The following NEXMIF variants were observed in gnomAD, a reference collection of about 807,000 sequenced individuals.
NEXMIF encodes neurite extension and migration factor.
NEXMIF carries 8 observed loss-of-function variants against 62.1 expected under a neutral mutation model. The ratio of observed to expected loss-of-function variants is 0.13; its 90% CI spans 0.08 to 0.23. The LOEUF (loss-of-function observed/expected upper bound fraction) is 0.23. NEXMIF is among the 10% of genes least tolerant of loss of function. The pLI is 1.00. For missense variants in NEXMIF, 976 were observed against 1,113.3 expected (o/e 0.88, Z 1.75); for synonymous variants, 404 against 416.6 (o/e 0.97, Z 0.37).
chrX:74,757,822 T>C (rs183047580), intron 1 of NEXMIF, among the ~76,000 whole-genome samples: 47 of 110,971 alleles, frequency 4.2e-4, no homozygotes, highest in African/African-American at 1.3e-3. Context: ...CTCTGAGCGG[T>C]GGGGGTTAGG....
In NEXMIF at chrX:74,796,162, T is replaced by TATATATATTATATATATACATATATAA. The variant is rs1491430745; in HGVS notation, c.-47-50466_-47-50465insTTATATATGTATATATATAATATATAT. 2.2e-3 allele frequency among the ~76,000 whole-genome samples: 88 copies of TATATATATTATATATATACATATATAA among 40,200 alleles called. 1 individual carries two copies. Among genetic ancestry groups the TATATATATTATATATATACATATATAA allele is most frequent in the African/African-American group, 5.8e-3 (82 of 14,111 alleles). The allele number at this position is 40,200 out of a possible 115,157, so 34.9% of individuals were successfully genotyped here. The stretch of plus-strand genomic sequence containing the variant: ...TATATATTATATATATACATATATA[T>TATATATATTATATATATACATATATAA]TATATATATTATATATATACATATA... On this transcript the variant is annotated intron_variant, in intron 1 of 3. Transcript: ENST00000055682.
intron 1 of NEXMIF, among the ~76,000 whole-genome samples, chrX:74,853,125 C>A (rs1036842631): frequency 9.1e-6 from 1 of 110,194 alleles, no homozygotes; most frequent in Non-Finnish European, 1.9e-5. Flanking sequence ...TGGACACACA[C>A]AAGGAGTGGA....
chrX:74,875,720 T>A (rs1217853224), intron 1 of NEXMIF, among the ~76,000 whole-genome samples: 1 of 112,113 alleles, frequency 8.9e-6, no homozygotes, highest in African/African-American at 3.2e-5. Flanking sequence ...GGTTTAGTCT[T>A]GGGAGAGTGT....
chrX:74,901,093 A>C (rs1216336411), intron 1 of NEXMIF, among the ~76,000 whole-genome samples: 4 of 111,969 alleles, frequency 3.6e-5, no homozygotes, highest in Non-Finnish European at 5.6e-5. Context: ...TGATGGTTGC[A>C]TAACAGTGTG....
At chrX:74,803,567 CA>C (rs1368813566) in intron 1 of NEXMIF, among the ~76,000 whole-genome samples, 1 of 104,511 alleles carries the variant, frequency 9.6e-6, no homozygotes, top group Non-Finnish European at 2.0e-5. Context: ...GACTCTGTCT[CA>C]AAAAAATAAA....
intron 1 of NEXMIF, among the ~76,000 whole-genome samples, chrX:74,785,211 T>C (rs997953555): frequency 1.5e-4 from 17 of 111,462 alleles, no homozygotes; most frequent in Non-Finnish European, 1.1e-4. Context: ...GGGGATAGTA[T>C]TGGGGGCCAC....
chrX:74,873,377 A>T (rs1354784295), intron 1 of NEXMIF, among the ~76,000 whole-genome samples: 1 of 111,920 alleles, frequency 8.9e-6, no homozygotes, highest in African/African-American at 3.2e-5. Context: ...CATTTTCTTA[A>T]TCCAGTCTAT....
At chrX:74,830,389 A>G (rs148037800) in intron 1 of NEXMIF, among the ~76,000 whole-genome samples, 8 of 111,098 alleles carry the variant, frequency 7.2e-5, no homozygotes, top group Non-Finnish European at 1.3e-4. Context: ...TGGGTTCTCT[A>G]TTCTGTTCCA....
chrX:74,837,168 G>A (rs1022511256), intron 1 of NEXMIF, among the ~76,000 whole-genome samples: 10 of 111,660 alleles, frequency 9.0e-5, no homozygotes, highest in African/African-American at 3.3e-4. Context: ...CTGCTGCTGG[G>A]GGATAGGGGA....
chrX:74,895,729 AAATC>A (rs1319350252), intron 1 of NEXMIF, among the ~76,000 whole-genome samples: 2 of 110,394 alleles, frequency 1.8e-5, no homozygotes, highest in Non-Finnish European at 3.8e-5. Context: ...TGGGATTTAA[AAATC>A]AAAACAATTG....
In NEXMIF at chrX:74,846,900, C is replaced by T. The variant is rs139188939; in HGVS notation, c.-48+77983G>A. 7.6e-3 allele frequency among the ~76,000 whole-genome samples: 847 copies of T among 111,832 alleles called. 10 individuals are homozygous for T. Among genetic ancestry groups the T allele is most frequent in the African/African-American group, 0.026 (787 of 30,799 alleles). On this transcript the variant is annotated intron_variant, in intron 1 of 3. Transcript: ENST00000055682. ...AACTGTTGGAGGCAAGGATCCCATG[C>T]TGGGTGAAGGGGATGGAACTAGAAT...
intron 1 of NEXMIF, among the ~76,000 whole-genome samples, chrX:74,883,130 C>A (rs982024567): frequency 9.0e-6 from 1 of 111,502 alleles, no homozygotes; most frequent in African/African-American, 3.3e-5. Context: ...GACATACACA[C>A]CAAAAACCCA....
At chrX:74,843,364 CATT>C (rs1416057997) in intron 1 of NEXMIF, among the ~76,000 whole-genome samples, 1 of 109,612 alleles carries the variant, frequency 9.1e-6, no homozygotes, top group Non-Finnish European at 1.9e-5. Context: ...CTGTAAGTGT[CATT>C]ATGTGTGAGA....
At chrX:74,878,721 C>T (rs757642025) in intron 1 of NEXMIF, among the ~76,000 whole-genome samples, 2 of 112,600 alleles carry the variant, frequency 1.8e-5, no homozygotes, top group Non-Finnish European at 3.8e-5. Flanking sequence ...GTTGGAAAAG[C>T]GCAGTATTCG....
intron 1 of NEXMIF, among the ~76,000 whole-genome samples, chrX:74,813,517 T>C (rs2080366954): frequency 8.9e-6 from 1 of 112,178 alleles, no homozygotes; most frequent in African/African-American, 3.2e-5. Flanking sequence ...TGGGTAAAGT[T>C]GAAACCAGTG....
chrX:74,786,613 A>T (rs1213462598), intron 1 of NEXMIF, among the ~76,000 whole-genome samples: 1 of 111,372 alleles, frequency 9.0e-6, no homozygotes, highest in Non-Finnish European at 1.9e-5. Context: ...TACTATTCTG[A>T]ATCCAGCACA....
At chrX:74,754,765 G>A (rs1222854894) in intron 1 of NEXMIF, among the ~76,000 whole-genome samples, 1 of 111,436 alleles carries the variant, frequency 9.0e-6, no homozygotes, top group East Asian at 2.8e-4. Context: ...AAGAATTATA[G>A]AACTATCTAT....
chrX:74,878,193 G>C (rs1314185445), intron 1 of NEXMIF, among the ~76,000 whole-genome samples: 1 of 111,670 alleles, frequency 9.0e-6, no homozygotes, highest in Non-Finnish European at 1.9e-5. Flanking sequence ...CTGTTTGTTA[G>C]TTTTCCTTCT....
chrX:74,874,667 C>A (rs377492565), intron 1 of NEXMIF, among the ~76,000 whole-genome samples: 1 of 90,642 alleles, frequency 1.1e-5, no homozygotes, highest in Non-Finnish European at 2.1e-5. Context: ...CTTTTATTTC[C>A]TTGAGCAGTG....
Sources: gnomAD v4.1 joint callset for allele counts (sites outside exome capture counted in the v4.1 genomes callset) on GRCh38, gnomAD v4.1.1 for gene constraint, MANE v1.5 for transcripts, NCBI Gene and HGNC (gene_info 2026-07-23, HGNC 2026-07-21) for gene names.